Variants in RPTOR observed in about 807,000 individuals in gnomAD.
RPTOR encodes regulatory-associated protein of mTOR.
In RPTOR, 21 loss-of-function variants were observed where a neutral mutation model predicts 169.9. That is an observed-to-expected ratio of 0.12 (90% confidence interval 0.09 to 0.18). The LOEUF is 0.18. Among genes scored for constraint, RPTOR ranks in the 10% least tolerant of loss-of-function variants. The probability of loss-of-function intolerance (pLI) is 1.00; values close to 1 mark genes in which losing one functional copy is unlikely to be tolerated. For missense variants in RPTOR, 1,133 were observed against 1,855.9 expected, an observed-to-expected ratio of 0.61 and a Z score of 7.16; for synonymous variants, 732 against 753.2, an observed-to-expected ratio of 0.97 and a Z score of 0.46.
rs2065257084 is a variant in RPTOR, at chr17:80,609,773, T to TG, written c.163-15918_163-15917insG. Among the ~76,000 whole-genome samples the TG allele has an allele frequency of 7.0e-6, 1 of 143,252 alleles. No homozygotes were observed. The highest frequency in any genetic ancestry group is 6.9e-5 in the Admixed American group (1 of 14,436). The allele number at this position is 143,252 out of a possible 152,430, so 94.0% of individuals were successfully genotyped here. A position where few individuals can be genotyped will look rare whatever the true frequency, so the allele number is the denominator to read the frequency against. ...AAAAAAAAAAAGTTTAAGGTGTTGG[T>TG]TGTGTGTGTGTGTGTGTGTGTGTGT... On this transcript the variant is annotated intron_variant, in intron 1 of 33. Coordinates refer to ENST00000306801, the MANE Select transcript of RPTOR (RefSeq NM_020761.3). This position sits in a 1 kb window ranked among gnomAD's most constrained non-coding sequence, Gnocchi z 4.8.
intron 2 of RPTOR, among the ~76,000 whole-genome samples, chr17:80,636,079 C>G (rs1294573473): frequency 6.6e-6 from 1 of 152,162 alleles, no homozygotes; most frequent in African/African-American, 2.4e-5. Context: ...TTAATCAAGA[C>G]TCCAGCTTTA....
chr17:80,648,590 G>T (rs946347856), intron 3 of RPTOR, among the ~76,000 whole-genome samples: 3 of 152,084 alleles, frequency 2.0e-5, no homozygotes, highest in Non-Finnish European at 4.4e-5. Flanking sequence ...GCACTGCATG[G>T]ATGGCTTCTA....
rs142237545 is a variant in RPTOR at position 80,927,442 on chromosome 17, A to G, written c.2919+1962A>G. Among the ~76,000 whole-genome samples, 16 of 152,314 alleles carry G rather than the reference A, an allele frequency of 1.1e-4. 1 individual carries two copies. The highest frequency in any genetic ancestry group is 3.8e-4 in the African/African-American group (16 of 41,566). On this transcript the variant is annotated intron_variant, in intron 24 of 33. Coordinates refer to ENST00000306801, the MANE Select transcript of RPTOR (RefSeq NM_020761.3). ...CCTATTCTCAGTCATCTATCCTATG[A>G]TGAAAGAGGAATGGCATAGATAATC... is the stretch of plus-strand genomic sequence containing the variant.
intron 3 of RPTOR, among the ~76,000 whole-genome samples, chr17:80,675,869 G>T (rs1048655173): frequency 2.0e-5 from 3 of 152,168 alleles, no homozygotes; most frequent in Admixed American, 6.5e-5. Context: ...TGGACATTTT[G>T]TGCTTGTGGT....
intron 4 of RPTOR, among the ~76,000 whole-genome samples, chr17:80,720,350 A>T (rs2066274711): frequency 6.6e-6 from 1 of 152,202 alleles, no homozygotes; most frequent in Admixed American, 6.5e-5. Flanking sequence ...TCAGAAAAAT[A>T]CGTGATTTTT....
At chr17:80,551,770 T>TG (rs2084348591) in intron 1 of RPTOR, among the ~76,000 whole-genome samples, 1 of 152,142 alleles carries the variant, frequency 6.6e-6, no homozygotes, top group African/African-American at 2.4e-5. Flanking sequence ...GGTGTCGGGC[T>TG]GGGGGACGGT....
chr17:80,884,991 C>A lies in RPTOR; in HGVS notation c.1843-17C>A. ...GCCCGGTGTGGGACATGCCTGTGAC[C>A]CCCCGCCGCCTTGCAGGTCCGCTGC... On this transcript the variant is annotated splice_polypyrimidine_tract_variant and intron_variant, in intron 16 of 33. Transcript: ENST00000306801. The A allele has an allele frequency of 6.2e-7, 1 of 1,603,520 alleles. No individual in the cohort carries two copies. The highest frequency in any genetic ancestry group is 8.5e-7 in the Non-Finnish European group (1 of 1,176,246).
chr17:80,786,794 A>C (rs1291325606), intron 6 of RPTOR, among the ~76,000 whole-genome samples: 2 of 152,260 alleles, frequency 1.3e-5, no homozygotes, highest in Non-Finnish European at 2.9e-5. Context: ...TAGGCCAAAC[A>C]TAAAACATGT....
In RPTOR at chr17:80,823,313, G is replaced by GC; in HGVS notation, c.1136+94dup. The GC allele has an allele frequency of 6.6e-7, 1 of 1,508,898 alleles. No homozygotes were observed. Among genetic ancestry groups the GC allele is most frequent in the Admixed American group, 2.0e-5 (1 of 50,166 alleles). The allele number at this position is 1,508,898 out of a possible 1,614,324, so 93.5% of individuals were successfully genotyped here. A position where few individuals can be genotyped will look rare whatever the true frequency, so the allele number is the denominator to read the frequency against. The stretch of plus-strand genomic sequence containing the variant: ...GAATTGCACGGAGCTGGGCAGGGAG[G>GC]CCCCACACCTAACTTGGGGACCCCG... On this transcript the variant is annotated intron_variant, in intron 9 of 33. Coordinates refer to ENST00000306801, the MANE Select transcript of RPTOR (RefSeq NM_020761.3). The surrounding 1 kb of genome is among the most constrained non-coding windows in gnomAD (Gnocchi z 4.5).
chr17:80,921,211 G>A lies in RPTOR; in HGVS notation c.2521-1513G>A, dbSNP rs368201535. The stretch of plus-strand genomic sequence containing the variant: ...GACATTGCAGGCTCCACGCGGATGC[G>A]GACCTGAAGGACAGGGTTCTGTCTG... On this transcript the variant is annotated intron_variant, in intron 21 of 33. Coordinates refer to ENST00000306801, the MANE Select transcript of RPTOR (RefSeq NM_020761.3). 5.3e-5 allele frequency among the ~76,000 whole-genome samples: 8 copies of A among 152,254 alleles called. 1 individual carries two copies. Among genetic ancestry groups the A allele is most frequent in the Admixed American group, 3.3e-4 (5 of 15,294 alleles).
intron 6 of RPTOR, among the ~76,000 whole-genome samples, chr17:80,785,279 G>T (rs1041694467): frequency 6.6e-6 from 1 of 152,202 alleles, no homozygotes; most frequent in Non-Finnish European, 1.5e-5. Context: ...GGCTAAAAAT[G>T]AGCAGGGATA....
chr17:80,815,880 C>A (rs2672902), intron 7 of RPTOR, among the ~76,000 whole-genome samples: 67 of 150,050 alleles, frequency 4.5e-4, no homozygotes, highest in African/African-American at 1.7e-3. Context: ...TGCAGAGCAT[C>A]CTCCCGACTG....
intron 6 of RPTOR, among the ~76,000 whole-genome samples, chr17:80,762,275 G>A (rs2066744076): frequency 6.6e-6 from 1 of 152,236 alleles, no homozygotes; most frequent in Non-Finnish European, 1.5e-5. Context: ...GGTGCTGCAG[G>A]AAAGAGTGAG....
In RPTOR at chr17:80,708,768, C is replaced by T. The variant is rs1156480185; in HGVS notation, c.507+769C>T. The T allele has an allele frequency of 3.0e-5, 6 of 196,898 alleles. No homozygotes were observed. The highest frequency in any genetic ancestry group is 1.3e-4 in the Admixed American group (2 of 15,328). The allele number at this position is 196,898 out of a possible 1,614,324, so 12.2% of individuals were successfully genotyped here. On this transcript the variant is annotated intron_variant, in intron 4 of 33. Transcript: ENST00000306801. This position sits in a 1 kb window ranked among gnomAD's most constrained non-coding sequence, Gnocchi z 4.2. ...CAGCTATGGGTCTCACTGCGCTCTG[C>T]GTGATGCATGAAAAGCAGTTCTTGG...
intron 20 of RPTOR, among the ~76,000 whole-genome samples, chr17:80,908,553 C>T (rs1209798973): frequency 1.3e-5 from 2 of 152,224 alleles, no homozygotes; most frequent in Admixed American, 1.3e-4. Context: ...AGGAAAGTTA[C>T]ACCCTTTCCA....
At position 80,726,691 on chromosome 17, in the gene RPTOR, G is replaced by T. The variant is rs2066338121; in HGVS notation, c.508-3869G>T. ...AGAGGACGTTGTGAGGTGGCTGTAG[G>T]GTCAGGTGGCTGTAGGGTCAGGGCT... On this transcript the variant is annotated intron_variant, in intron 4 of 33. Transcript: ENST00000306801. The surrounding 1 kb of genome is among the most constrained non-coding windows in gnomAD (Gnocchi z 4.5). 6.6e-6 allele frequency among the ~76,000 whole-genome samples: 1 copy of T among 152,090 alleles called. No individual in the cohort carries two copies. Among genetic ancestry groups the T allele is most frequent in the Non-Finnish European group, 1.5e-5 (1 of 67,996 alleles).
rs560565189 is a variant in RPTOR at position 80,634,888 on chromosome 17, G to A, written c.266-8840G>A. The stretch of plus-strand genomic sequence containing the variant: ...TGTGTGCATACTGTGTGCATACTTT[G>A]TGTGTGCATAGTGTGTGCGTGTGCA... On this transcript the variant is annotated intron_variant, in intron 2 of 33. Transcript: ENST00000306801. Among the ~76,000 whole-genome samples the A allele has an allele frequency of 2.1e-4, 32 of 151,074 alleles. No homozygotes were observed. The South Asian group carries it at 6.5e-3, about 30-fold the overall frequency.
At chr17:80,928,161 G>C (rs143494321) in intron 24 of RPTOR, among the ~76,000 whole-genome samples, 2 of 152,286 alleles carry the variant, frequency 1.3e-5, no homozygotes, top group African/African-American at 4.8e-5. Context: ...ACTCCTGATA[G>C]CAACTGCAGT....
chr17:80,762,104 T>C (rs190211120), intron 6 of RPTOR, among the ~76,000 whole-genome samples: 1 of 152,326 alleles, frequency 6.6e-6, no homozygotes, highest in Admixed American at 6.5e-5. Context: ...TTCCAGTCTC[T>C]TGACATATAC....
Sources: allele counts gnomAD v4.1 joint callset (sites outside exome capture counted in the v4.1 genomes callset), GRCh38; gene constraint gnomAD v4.1.1; non-coding constraint Gnocchi (gnomAD v3.1); transcripts MANE v1.5; gene names NCBI Gene and HGNC (gene_info 2026-07-23, HGNC 2026-07-21).